The following HSD17B2 variants were observed in gnomAD, a reference collection of about 807,000 sequenced individuals.
HSD17B2 encodes hydroxysteroid 17-beta dehydrogenase 2.
A neutral mutation model predicts 26.9 loss-of-function variants in HSD17B2; 32 were observed. That is an observed-to-expected ratio of 1.19 (90% CI 0.90 to 1.60). HSD17B2 has a LOEUF of 1.60. Ranked by LOEUF, HSD17B2 falls within the 40% of genes most tolerant of loss-of-function variation. The pLI, the probability that HSD17B2 is intolerant of heterozygous loss-of-function variation, is 0.00. For missense variants in HSD17B2, 613 were observed against 468.6 expected (o/e 1.31, Z -2.85); for synonymous variants, 246 against 186.7 (o/e 1.32, Z -2.59).
In HSD17B2 at chr16:82,035,500, A is replaced by G; in HGVS notation, c.76A>G (p.Lys26Glu). 6.2e-7 allele frequency: 1 copy of G among 1,614,122 alleles called. No homozygotes were observed. The highest frequency in any genetic ancestry group is 8.5e-7 in the Non-Finnish European group (1 of 1,180,030). ...PTVLCGTVFC[K>E]YKKSSGQLWS... ...AGTACTATGTGGGACAGTATTTTGC[A>G]AATACAAGAAGAGCTCAGGGCAGCT... Residue 26 changes from lysine (K) to glutamate (E), a missense_variant, in exon 1 of 5, where the codon AAA becomes GAA. Lys to Glu is a moderately conservative substitution (Grantham distance 56). Transcript: ENST00000199936.
rs1914134548 is a variant in HSD17B2 at position 82,052,391 on chromosome 16, G to C, written c.266-15779G>C. ...TCTTAGACCCAGGGAACTGAGTATG[G>C]GCAGCTGTTCCTCCTTGGTCAGAGC... is the stretch of plus-strand genomic sequence containing the variant. On this transcript the variant is annotated intron_variant, in intron 1 of 4. Transcript: ENST00000199936. The C allele has an allele frequency of 2.0e-5, 3 of 152,200 alleles. No homozygotes were observed. The South Asian group carries it at 6.2e-4, about 32-fold the overall frequency. The allele number at this position is 152,200 out of a possible 1,614,324, so 9.4% of individuals were successfully genotyped here.
chr16:82,089,216 C>G (rs1378608165), intron 3 of HSD17B2, among the ~76,000 whole-genome samples: 3 of 152,132 alleles, frequency 2.0e-5, no homozygotes, highest in Non-Finnish European at 4.4e-5. Flanking sequence ...GGAATTATAC[C>G]AAAGAGTACA....
At chr16:82,049,561 T>A (rs991445932) in intron 1 of HSD17B2, among the ~76,000 whole-genome samples, 1 of 152,214 alleles carries the variant, frequency 6.6e-6, no homozygotes, top group Admixed American at 6.5e-5. Context: ...GCTGTGAGCA[T>A]TTCGGAAAGA....
At chr16:82,049,664 T>C (rs1358282790) in intron 1 of HSD17B2, among the ~76,000 whole-genome samples, 1 of 152,156 alleles carries the variant, frequency 6.6e-6, no homozygotes, top group Non-Finnish European at 1.5e-5. Flanking sequence ...GACATTCCCA[T>C]AAACAAGAGA....
intron 4 of HSD17B2, chr16:82,096,681 G>A (rs1188866467): frequency 6.6e-6 from 1 of 152,058 alleles, no homozygotes; most frequent in African/African-American, 2.4e-5. Flanking sequence ...ACCAAAAGAT[G>A]AGTGTCTGTG....
intron 1 of HSD17B2, among the ~76,000 whole-genome samples, chr16:82,043,402 T>TAAACTTCATTTCA (rs370270272): frequency 3.5e-5 from 5 of 144,862 alleles, no homozygotes; most frequent in Admixed American, 1.3e-4. Context: ...ATCATATAGA[T>TAAACTTCATTTCA]GGCCGGGCGC....
At chr16:82,079,314 C>T (rs116493051) in intron 3 of HSD17B2, among the ~76,000 whole-genome samples, 2,544 of 152,298 alleles carry the variant, frequency 0.017, 69 homozygotes, top group African/African-American at 0.058. Context: ...GTTGTGGAGG[C>T]TGGAAGTCGA....
At chr16:82,084,442 T>A (rs1904465135) in intron 3 of HSD17B2, among the ~76,000 whole-genome samples, 1 of 152,150 alleles carries the variant, frequency 6.6e-6, no homozygotes, top group African/African-American at 2.4e-5. Context: ...AACCATGGGT[T>A]TTGAGTGCTT....
Position 82,035,555 on chromosome 16 carries a change from T to A in HSD17B2, c.131T>A (p.Leu44His). 1 of 1,614,112 alleles carries A rather than the reference T, an allele frequency of 6.2e-7. No individual in the cohort carries two copies. The highest frequency in any genetic ancestry group is 8.5e-7 in the Non-Finnish European group (1 of 1,180,036). ...LWSWMVCLAG[L>H]CAVCLLILSP... The stretch of plus-strand genomic sequence containing the variant: ...AGCTGGATGGTCTGCCTGGCAGGCC[T>A]CTGTGCAGTCTGCCTGCTCATCCTG... The change falls in exon 1 of 5, where the codon CTC becomes CAC. Residue 44 changes from leucine to histidine, a missense_variant. Leu to His is a moderately conservative substitution (Grantham distance 99). Coordinates refer to ENST00000199936, the MANE Select transcript of HSD17B2 (RefSeq NM_002153.3).
chr16:82,072,769 T>G (rs762067460), intron 3 of HSD17B2, among the ~76,000 whole-genome samples: 3 of 152,182 alleles, frequency 2.0e-5, no homozygotes, highest in Non-Finnish European at 2.9e-5. Flanking sequence ...AAGCTTACAG[T>G]ACAAGGCCAG....
chr16:82,047,177 G>C (rs1052238259), intron 1 of HSD17B2, among the ~76,000 whole-genome samples: 1 of 152,224 alleles, frequency 6.6e-6, no homozygotes, highest in African/African-American at 2.4e-5. Context: ...TCTCCAGTGA[G>C]CAATCATAAG....
At chr16:82,067,490 T>C (rs1030227850) in intron 1 of HSD17B2, among the ~76,000 whole-genome samples, 4 of 152,246 alleles carry the variant, frequency 2.6e-5, no homozygotes, top group Non-Finnish European at 5.9e-5. Flanking sequence ...CTGAGAAGCT[T>C]AAGTCATACT....
chr16:82,092,863 T>A (rs1488501208), intron 4 of HSD17B2: 1 of 152,176 alleles, frequency 6.6e-6, no homozygotes. Flanking sequence ...ATGGTGAATT[T>A]GATTTTGAAT....
chr16:82,050,622 G>A (rs889673881), intron 1 of HSD17B2, among the ~76,000 whole-genome samples: 4 of 152,154 alleles, frequency 2.6e-5, no homozygotes, highest in South Asian at 2.1e-4. Flanking sequence ...TGTGGAATCC[G>A]AGCCCCCAGA....
intron 1 of HSD17B2, among the ~76,000 whole-genome samples, chr16:82,066,036 G>T (rs1383208458): frequency 6.6e-6 from 1 of 152,226 alleles, no homozygotes; most frequent in African/African-American, 2.4e-5. Context: ...GGATCCAGAA[G>T]TTGGATTTGT....
rs545377945 is a variant in HSD17B2, at chr16:82,069,369, G to A, written c.478+987G>A. On this transcript the variant is annotated intron_variant, in intron 2 of 4. Coordinates refer to ENST00000199936, the MANE Select transcript of HSD17B2 (RefSeq NM_002153.3). ...TTGCTTTTGTGACTAGGGCTGCAAC[G>A]AATCTATGTGTGAATGTATCTTTGT... Among the ~76,000 whole-genome samples the A allele has an allele frequency of 1.3e-4, 20 of 152,300 alleles. 1 individual carries two copies. Among genetic ancestry groups the A allele is most frequent in the Admixed American group, 1.0e-3 (16 of 15,304 alleles).
intron 1 of HSD17B2, among the ~76,000 whole-genome samples, chr16:82,038,599 G>C (rs114577919): frequency 6.6e-6 from 1 of 152,178 alleles, no homozygotes; most frequent in Non-Finnish European, 1.5e-5. Context: ...AGACCAACAC[G>C]ATTGTAATAA....
chr16:82,071,405 G>A (rs1914695829), intron 3 of HSD17B2: 7 of 487,254 alleles, frequency 1.4e-5, no homozygotes, highest in Non-Finnish European at 2.6e-5. Context: ...AACACACATG[G>A]TTGGTAGATT....
At chr16:82,036,898 AT>A (rs1468934455) in intron 1 of HSD17B2, among the ~76,000 whole-genome samples, 1 of 152,066 alleles carries the variant, frequency 6.6e-6, no homozygotes, top group East Asian at 1.9e-4. Flanking sequence ...GAGAGTCTCA[AT>A]TTTCCTGTTC....
Sources: allele counts gnomAD v4.1 joint callset (sites outside exome capture counted in the v4.1 genomes callset), GRCh38; gene constraint gnomAD v4.1.1; transcripts MANE v1.5; gene names NCBI Gene and HGNC (gene_info 2026-07-23, HGNC 2026-07-21).